Variants in RASSF6 observed in about 807,000 individuals in gnomAD.
RASSF6 encodes the protein Ras association domain family member 6.
Under a neutral mutation model 44.0 loss-of-function variants are expected in RASSF6, and 52 were observed. The observed-to-expected ratio is 1.18, with a 90% CI of 0.95 to 1.49. The LOEUF is 1.49. Ranked by LOEUF, RASSF6 falls within the 40% of genes most tolerant of loss-of-function variation. RASSF6 has a pLI of 0.00. For synonymous variants in RASSF6, 162 were observed against 124.6 expected (o/e 1.30, Z -2.00); for missense variants, 464 against 393.3 (o/e 1.18, Z -1.52).
chr4:73,607,753 C>T (rs909931907), intron 2 of RASSF6, among the ~76,000 whole-genome samples: 38 of 151,548 alleles, frequency 2.5e-4, no homozygotes, highest in African/African-American at 8.7e-4. Flanking sequence ...GGTGGTTCTG[C>T]TAAAGGCTCA....
intron 8 of RASSF6, among the ~76,000 whole-genome samples, chr4:73,576,973 A>C (rs1276128510): frequency 6.6e-6 from 1 of 152,188 alleles, no homozygotes; most frequent in African/African-American, 2.4e-5. Flanking sequence ...TAGAGTGTTC[A>C]AACAAATCTC....
chr4:73,599,848 G>C (rs888938229), intron 2 of RASSF6, among the ~76,000 whole-genome samples: 14 of 152,144 alleles, frequency 9.2e-5, no homozygotes, highest in African/African-American at 3.4e-4. Flanking sequence ...AAGGCTGGAT[G>C]CAACTGGTCT....
chr4:73,618,315 A>ATCTATCTATCTATCTG (rs1289923003), intron 1 of RASSF6, among the ~76,000 whole-genome samples: 2 of 152,034 alleles, frequency 1.3e-5, no homozygotes, highest in African/African-American at 4.8e-5. Flanking sequence ...CTATCTATCT[A>ATCTATCTATCTATCTG]TCTATCTAAA....
chr4:73,585,992 C>A (rs1360876460), intron 5 of RASSF6, among the ~76,000 whole-genome samples: 1 of 96,232 alleles, frequency 1.0e-5, no homozygotes. Flanking sequence ...CCTCCCCCCA[C>A]CCCATTATAT....
intron 4 of RASSF6, among the ~76,000 whole-genome samples, chr4:73,590,043 A>C (rs1047070632): frequency 2.0e-5 from 3 of 152,222 alleles, no homozygotes; most frequent in African/African-American, 7.2e-5. Flanking sequence ...CAGATGTGAA[A>C]AATAGCATAA....
intron 8 of RASSF6, among the ~76,000 whole-genome samples, chr4:73,577,488 G>T (rs1723314435): frequency 1.3e-5 from 2 of 152,048 alleles, no homozygotes; most frequent in South Asian, 4.1e-4. Context: ...CCTTCACCTT[G>T]CTTACTTTCT....
intron 2 of RASSF6, among the ~76,000 whole-genome samples, chr4:73,606,144 G>A (rs1725608684): frequency 6.6e-6 from 1 of 152,252 alleles, no homozygotes; most frequent in African/African-American, 2.4e-5. Flanking sequence ...ATTCACAATA[G>A]CAAAGACATG....
chr4:73,592,940 C>T (rs1410419549), intron 4 of RASSF6, among the ~76,000 whole-genome samples: 1 of 151,836 alleles, frequency 6.6e-6, no homozygotes, highest in African/African-American at 2.4e-5. Flanking sequence ...TCTGCCACAT[C>T]GTAATTGGGG....
intron 2 of RASSF6, among the ~76,000 whole-genome samples, chr4:73,610,467 T>G (rs1725929068): frequency 6.6e-6 from 1 of 152,184 alleles, no homozygotes; most frequent in African/African-American, 2.4e-5. Flanking sequence ...GTGGGAAAGA[T>G]CAAGCCTCAT....
At position 73,576,793 on chromosome 4, in the gene RASSF6, T is replaced by C. The variant is rs913683064; in HGVS notation, c.722-62A>G. The C allele has an allele frequency of 1.2e-5, 12 of 1,033,590 alleles. No homozygotes were observed. The South Asian group carries it at 2.1e-4, about 18-fold the overall frequency. 64.0% of individuals were successfully genotyped at this position (1,033,590 alleles called of 1,614,324 possible). A position where few individuals can be genotyped will look rare whatever the true frequency, so the allele number is the denominator to read the frequency against. ...TCATGCTGCAGGAAAAGAAGGAAGA[T>C]AATTTTCCAATTTATTTTTCGTATT... On this transcript the variant is annotated intron_variant, in intron 8 of 10. Transcript: ENST00000307439.
At chr4:73,588,433 A>G (rs1724273152) in intron 4 of RASSF6, among the ~76,000 whole-genome samples, 1 of 152,104 alleles carries the variant, frequency 6.6e-6, no homozygotes, top group Non-Finnish European at 1.5e-5. Flanking sequence ...AATGTAGTTT[A>G]CGAAGGAGGA....
In RASSF6 at chr4:73,593,466, A is replaced by T. The variant is rs771040906; in HGVS notation, c.272T>A (p.Val91Asp). ...SSFTSMKSSD[V>D]FSSKGMTRWG... ...GATAGCTTACCCTTTGCTGGAGAAGACGTCTGATGACTTCATACTAGTAAA... is the reference window on the plus strand; with the variant it reads ...GATAGCTTACCCTTTGCTGGAGAAGTCGTCTGATGACTTCATACTAGTAAA... Residue 91 changes from valine (V) to aspartate (D), a missense_variant, in exon 4 of 11, where the codon GTC becomes GAC. By Grantham distance (152) the Val-to-Asp change is radical. Transcript: ENST00000307439. 3.7e-6 allele frequency: 6 copies of T among 1,604,852 alleles called. No individual in the cohort carries two copies. The Admixed American group carries it at 1.0e-4, about 28-fold the overall frequency.
At chr4:73,613,220 G>A (rs890021266) in intron 1 of RASSF6, among the ~76,000 whole-genome samples, 4 of 152,162 alleles carry the variant, frequency 2.6e-5, no homozygotes, top group African/African-American at 9.7e-5. Flanking sequence ...TCATTGGCAG[G>A]TCTCATGCAG....
At position 73,576,451 on chromosome 4, in the gene RASSF6, T is replaced by C. The variant is rs758188032; in HGVS notation, c.897A>G (p.Leu299=). ...GAATCTCTCTTTTCTCTTCTTCATT[T>C]AATCTTTGAAGAATGGATTCCAAGA... ...FSLLESILQR[L]NEEEKREIQR... The change falls in exon 10 of 11, where the codon TTA becomes TTG. Residue 299 remains leucine (L), a synonymous_variant. Coordinates refer to ENST00000307439, the MANE Select transcript of RASSF6 (RefSeq NM_177532.5). 26 of 1,584,408 alleles carry C rather than the reference T, an allele frequency of 1.6e-5. No homozygotes were observed. Among genetic ancestry groups the C allele is most frequent in the Non-Finnish European group, 2.2e-5 (25 of 1,161,714 alleles).
intron 2 of RASSF6, among the ~76,000 whole-genome samples, chr4:73,605,274 T>G (rs1243313110): frequency 6.6e-6 from 1 of 152,232 alleles, no homozygotes; most frequent in Non-Finnish European, 1.5e-5. Flanking sequence ...TGTATGTTTT[T>G]GGAAAGATGG....
intron 8 of RASSF6, among the ~76,000 whole-genome samples, chr4:73,579,939 C>T (rs562645026): frequency 6.6e-6 from 1 of 151,386 alleles, no homozygotes; most frequent in African/African-American, 2.4e-5. Context: ...AGTTACATAT[C>T]TATACATGTG....
At chr4:73,586,068 C>T (rs900627725) in intron 5 of RASSF6, among the ~76,000 whole-genome samples, 20 of 144,166 alleles carry the variant, frequency 1.4e-4, no homozygotes, top group Non-Finnish European at 2.5e-4. Flanking sequence ...TCCTATAAAA[C>T]TACAGAAAGC....
chr4:73,597,207 T>G (rs535899962), intron 3 of RASSF6, among the ~76,000 whole-genome samples: 1 of 152,322 alleles, frequency 6.6e-6, no homozygotes, highest in Non-Finnish European at 1.5e-5. Context: ...GGGAGAATAT[T>G]TTTGCAAACT....
At chr4:73,584,056 G>T (rs563784226) in intron 6 of RASSF6, among the ~76,000 whole-genome samples, 2 of 152,064 alleles carry the variant, frequency 1.3e-5, no homozygotes, top group African/African-American at 4.8e-5. Flanking sequence ...TGTGAAGAGG[G>T]AAACAGGACA....
Sources: allele counts gnomAD v4.1 joint callset (sites outside exome capture counted in the v4.1 genomes callset), GRCh38; gene constraint gnomAD v4.1.1; transcripts MANE v1.5; gene names NCBI Gene and HGNC (gene_info 2026-07-23, HGNC 2026-07-21).